Variants in ASTN2 observed in about 807,000 individuals in gnomAD.
ASTN2 encodes astrotactin 2, also known as astrotactin-2.
A neutral mutation model predicts 139.8 loss-of-function variants in ASTN2; 54 were observed. That is an observed-to-expected ratio of 0.39 (90% CI 0.31 to 0.48). The LOEUF is 0.48. Ranked by LOEUF, ASTN2 falls within the 20% of genes least tolerant of loss-of-function variation. The pLI, the probability that ASTN2 is intolerant of heterozygous loss-of-function variation, is 0.95. For synonymous variants in ASTN2, 756 were observed against 719.5 expected, an observed-to-expected ratio of 1.05 and a Z score of -0.81; for missense variants, 1,565 against 1,725.1, an observed-to-expected ratio of 0.91 and a Z score of 1.64.
chr9:116,930,252 C>T (rs1834861312), intron 10 of ASTN2, among the ~76,000 whole-genome samples: 1 of 152,132 alleles, frequency 6.6e-6, no homozygotes, highest in African/African-American at 2.4e-5. Context: ...GGCTGTGTGT[C>T]TGCAGTTTCT....
chr9:116,596,086 A>G (rs950197591), intron 19 of ASTN2, among the ~76,000 whole-genome samples: 2 of 152,230 alleles, frequency 1.3e-5, no homozygotes, highest in African/African-American at 4.8e-5. Context: ...ACAATGGATT[A>G]TCATTCAGCC....
chr9:116,654,509 C>T (rs912251224), intron 16 of ASTN2, among the ~76,000 whole-genome samples: 2 of 151,866 alleles, frequency 1.3e-5, no homozygotes, highest in African/African-American at 2.4e-5. Flanking sequence ...TGTGAATCTC[C>T]GGGGAGAAAA....
intron 17 of ASTN2, among the ~76,000 whole-genome samples, chr9:116,628,678 C>T (rs149311624): frequency 1.8e-4 from 27 of 152,306 alleles, no homozygotes; most frequent in African/African-American, 5.8e-4. Flanking sequence ...TTTGTAAAAA[C>T]CCACAGAAAA....
chr9:117,042,342 T>A (rs1334391124), intron 5 of ASTN2, among the ~76,000 whole-genome samples: 1 of 152,196 alleles, frequency 6.6e-6, no homozygotes, highest in Non-Finnish European at 1.5e-5. Context: ...GTGTTTCTTA[T>A]GCCAAAATCA....
At chr9:117,094,324 G>A (rs1335561484) in intron 5 of ASTN2, among the ~76,000 whole-genome samples, 5 of 152,084 alleles carry the variant, frequency 3.3e-5, no homozygotes, top group African/African-American at 7.2e-5. Context: ...CATTCATCTC[G>A]AGGCCTGTAG....
chr9:117,059,764 T>C (rs1453786503), intron 5 of ASTN2, among the ~76,000 whole-genome samples: 1 of 152,196 alleles, frequency 6.6e-6, no homozygotes, highest in African/African-American at 2.4e-5. Context: ...TTTTGATTAG[T>C]CATTATCATT....
chr9:117,100,680 C>A (rs900506811), intron 4 of ASTN2, among the ~76,000 whole-genome samples: 2 of 152,178 alleles, frequency 1.3e-5, no homozygotes, highest in Admixed American at 1.3e-4. Flanking sequence ...GGGCAAGGAT[C>A]TGAGTACAAG....
At chr9:116,522,656 G>A (rs774941355) in intron 19 of ASTN2, among the ~76,000 whole-genome samples, 5 of 152,060 alleles carry the variant, frequency 3.3e-5, no homozygotes, top group Non-Finnish European at 5.9e-5. Flanking sequence ...TCCCTAAAAC[G>A]TACTGAAGTA....
intron 13 of ASTN2, among the ~76,000 whole-genome samples, chr9:116,773,950 G>A: frequency 6.6e-6 from 1 of 152,246 alleles, no homozygotes; most frequent in South Asian, 2.1e-4. Flanking sequence ...TAAGAGAGAG[G>A]TTACTGTCTT....
chr9:116,468,291 C>A lies in ASTN2; in HGVS notation c.3497+19068G>T, dbSNP rs904687273. Among the ~76,000 whole-genome samples, 15 of 150,302 alleles carry A rather than the reference C, an allele frequency of 1.0e-4. 1 individual carries two copies. In the South Asian group the frequency reaches 3.1e-3, roughly 31 times the overall value. On this transcript the variant is annotated intron_variant, in intron 20 of 22. Coordinates refer to ENST00000313400, the MANE Select transcript of ASTN2 (RefSeq NM_001365068.1). Reference sequence around the variant, plus strand: ...AAAATTAGTAAGGAAGAAATGGGGACTTTTGCCAACTCAAATAGGCTTACT... The same window carrying A: ...AAAATTAGTAAGGAAGAAATGGGGAATTTTGCCAACTCAAATAGGCTTACT...
intron 20 of ASTN2, among the ~76,000 whole-genome samples, chr9:116,447,227 T>C (rs1374110033): frequency 6.6e-6 from 1 of 152,174 alleles, no homozygotes; most frequent in Non-Finnish European, 1.5e-5. Context: ...GCTCAAACCT[T>C]ACCTCCTCTG....
At chr9:116,658,982 G>A (rs1858397676) in intron 16 of ASTN2, among the ~76,000 whole-genome samples, 1 of 152,064 alleles carries the variant, frequency 6.6e-6, no homozygotes, top group South Asian at 2.1e-4. Flanking sequence ...AGTGATAATA[G>A]ATTAGATGTG....
intron 3 of ASTN2, among the ~76,000 whole-genome samples, chr9:117,200,296 T>C (rs1390537975): frequency 1.3e-5 from 2 of 150,776 alleles, no homozygotes; most frequent in African/African-American, 2.4e-5. Flanking sequence ...TATAAAATTA[T>C]GTCATCTGCA....
At chr9:116,948,465 A>T (rs1835459440) in intron 10 of ASTN2, among the ~76,000 whole-genome samples, 1 of 152,084 alleles carries the variant, frequency 6.6e-6, no homozygotes, top group Admixed American at 6.5e-5. Context: ...CATACTTCTG[A>T]CTTGCTTTCT....
intron 10 of ASTN2, among the ~76,000 whole-genome samples, chr9:116,903,353 CTGA>C (rs1427622263): frequency 2.0e-5 from 3 of 152,130 alleles, no homozygotes; most frequent in African/African-American, 7.2e-5. Flanking sequence ...GTTTTATATA[CTGA>C]TGTTTACTTA....
At position 116,827,317 on chromosome 9, in the gene ASTN2, A is replaced by C. The variant is rs1356493157; in HGVS notation, c.2041-6534T>G. On this transcript the variant is annotated intron_variant, in intron 11 of 22. Coordinates refer to ENST00000313400, the MANE Select transcript of ASTN2 (RefSeq NM_001365068.1). ...AGAGCAAAACTCCATCCCCCCCAAA[A>C]AAAAAAAAAAAAAAAAGAACTAGAA... 4.2e-3 allele frequency among the ~76,000 whole-genome samples: 614 copies of C among 146,304 alleles called. 7 individuals are homozygous for C. Among genetic ancestry groups the C allele is most frequent in the African/African-American group, 0.014 (563 of 40,178 alleles).
chr9:116,473,023 G>A (rs1270283437), intron 20 of ASTN2, among the ~76,000 whole-genome samples: 1 of 151,884 alleles, frequency 6.6e-6, no homozygotes, highest in Non-Finnish European at 1.5e-5. Flanking sequence ...TTCCTTGCCT[G>A]TAAAATAGGG....
chr9:116,692,610 A>G (rs762108943), intron 16 of ASTN2, among the ~76,000 whole-genome samples: 20 of 152,204 alleles, frequency 1.3e-4, no homozygotes, highest in Non-Finnish European at 1.9e-4. Flanking sequence ...GCTTGAATTC[A>G]AATCCAGGAA....
chr9:117,107,287 C>T (rs1829131445), intron 4 of ASTN2, among the ~76,000 whole-genome samples: 1 of 152,108 alleles, frequency 6.6e-6, no homozygotes, highest in Non-Finnish European at 1.5e-5. Flanking sequence ...AATATTTCTA[C>T]ACATCCCTAT....
Sources: gnomAD v4.1 joint callset for allele counts (sites outside exome capture counted in the v4.1 genomes callset) on GRCh38, gnomAD v4.1.1 for gene constraint, MANE v1.5 for transcripts, NCBI Gene and HGNC (gene_info 2026-07-23, HGNC 2026-07-21) for gene names.